The following SNX2 variants were observed in gnomAD, a reference collection of about 807,000 sequenced individuals.
The protein encoded by SNX2 is sorting nexin 2.
SNX2 carries 25 observed loss-of-function variants against 69.9 expected under a neutral mutation model. The ratio of observed to expected loss-of-function variants is 0.36; its 90% confidence interval spans 0.26 to 0.50. The LOEUF (loss-of-function observed/expected upper bound fraction) is 0.50, where lower values mean the gene tolerates loss of function less well. Among genes scored for constraint, SNX2 ranks in the 20% least tolerant of loss-of-function variants. The pLI, the probability that SNX2 is intolerant of heterozygous loss-of-function variation, is 0.97. For synonymous variants in SNX2, 229 were observed against 200.4 expected, an observed-to-expected ratio of 1.14 and a Z score of -1.20; for missense variants, 551 against 613.3, an observed-to-expected ratio of 0.90 and a Z score of 1.07.
At chr5:122,794,195 C>T (rs1753320484) in intron 1 of SNX2, among the ~76,000 whole-genome samples, 1 of 151,886 alleles carries the variant, frequency 6.6e-6, no homozygotes, top group African/African-American at 2.4e-5. Context: ...CCTGTAATCC[C>T]AGTTATTTGG....
chr5:122,828,007 A>C (rs1754194596), intron 14 of SNX2: 1 of 169,998 alleles, frequency 5.9e-6, no homozygotes, highest in South Asian at 2.0e-4. Context: ...AATAGAACTT[A>C]AGCTAAACAC....
intron 14 of SNX2, 118 bp from the exon 15 acceptor site, chr5:122,829,480 T>G (rs1754231442): frequency 1.4e-6 from 1 of 689,690 alleles, no homozygotes; most frequent in Non-Finnish European, 2.5e-6. Context: ...GCTGGAATTA[T>G]AGGTGTGAGC....
chr5:122,775,582 A>G (rs1752838461), intron 1 of SNX2: 2 of 996,268 alleles, frequency 2.0e-6, no homozygotes, highest in Non-Finnish European at 2.4e-6. Context: ...GCTCTTTTGA[A>G]GGGGTGCTCG....
At chr5:122,815,825 T>G (rs552180415) in intron 7 of SNX2, 71 bp from the exon 8 acceptor site, 13 of 793,594 alleles carry the variant, frequency 1.6e-5, no homozygotes, top group Admixed American at 2.6e-5. Flanking sequence ...GTATTTCTAT[T>G]TTTTTATCAT....
intron 1 of SNX2, among the ~76,000 whole-genome samples, chr5:122,791,212 C>T (rs932814823): frequency 6.6e-6 from 1 of 151,628 alleles, no homozygotes; most frequent in African/African-American, 2.4e-5. Context: ...CAACCTCTGC[C>T]TCCCAGGTTC....
rs958696858 is a variant in SNX2, at chr5:122,830,369, A to G, written c.*721A>G. Among the ~76,000 whole-genome samples, 1 of 152,168 alleles carries G rather than the reference A, an allele frequency of 6.6e-6. No homozygotes were observed. Among genetic ancestry groups the G allele is most frequent in the East Asian group, 1.9e-4 (1 of 5,190 alleles). ...TCTTTGCTTGTTTTTAACCATCTCT[A>G]TTACAAGTGCCCAATTTAAGAATTA... On this transcript the variant is annotated 3_prime_UTR_variant, in exon 15 of 15. Transcript: ENST00000379516.
chr5:122,803,493 AAG>A lies in SNX2; in HGVS notation c.526_527del (p.Ser176Ter). On this transcript the variant is annotated frameshift_variant, in exon 6 of 15. Transcript: ENST00000379516. LOFTEE classifies it high-confidence loss of function. ...GTAGACATCTCTTTCCATGTTCAGT[AAG>A]AGTGAATTTTCAGTGAAAAGAAGAT... Reference protein sequence around the residue: ...TTKTSLSMFSKSEFSVKRRFS... With the variant: ...TTKTSLSMFSXSEFSVKRRFS... The A allele has an allele frequency of 6.2e-7, 1 of 1,610,730 alleles. No individual in the cohort carries two copies. Among genetic ancestry groups the A allele is most frequent in the Non-Finnish European group, 8.5e-7 (1 of 1,179,190 alleles).
chr5:122,810,246 C>A (rs951218936), intron 7 of SNX2, among the ~76,000 whole-genome samples: 4 of 150,382 alleles, frequency 2.7e-5, no homozygotes, highest in Non-Finnish European at 5.9e-5. Context: ...TCTTAAGTAC[C>A]CAGGGACACA....
intron 8 of SNX2, among the ~76,000 whole-genome samples, chr5:122,816,293 GAAAGA>G (rs146423931): frequency 0.12 from 18,907 of 152,006 alleles, 1,451 homozygotes; most frequent in East Asian, 0.36. Flanking sequence ...TCATTTTAGA[GAAAGA>G]GAAAGTTGAA....
intron 1 of SNX2, among the ~76,000 whole-genome samples, chr5:122,791,983 C>G (rs1226078457): frequency 6.6e-6 from 1 of 152,092 alleles, no homozygotes; most frequent in Non-Finnish European, 1.5e-5. Flanking sequence ...GGCCAATCAC[C>G]CAATCAGACT....
At chr5:122,790,108 C>T (rs1753195157) in intron 1 of SNX2, among the ~76,000 whole-genome samples, 1 of 152,180 alleles carries the variant, frequency 6.6e-6, no homozygotes, top group African/African-American at 2.4e-5. Context: ...AGTCATCTGA[C>T]AGCTGAGGAG....
chr5:122,822,068 T>C (rs141351755), intron 11 of SNX2, among the ~76,000 whole-genome samples: 1 of 152,346 alleles, frequency 6.6e-6, no homozygotes, highest in Non-Finnish European at 1.5e-5. Flanking sequence ...AAGACATCTT[T>C]ACAAATGATA....
At chr5:122,826,989 G>A (rs1374040911) in intron 12 of SNX2, among the ~76,000 whole-genome samples, 1 of 151,850 alleles carries the variant, frequency 6.6e-6, no homozygotes, top group Non-Finnish European at 1.5e-5. Flanking sequence ...GGATTTAACA[G>A]TATTGATATA....
At chr5:122,799,915 A>T in intron 3 of SNX2, 60 bp downstream of exon 3, 4 of 1,296,452 alleles carry the variant, frequency 3.1e-6, no homozygotes, top group Non-Finnish European at 4.3e-6. Context: ...CCCACCCAAC[A>T]TCACTCTGCT....
chr5:122,791,454 G>A (rs2150003999), intron 1 of SNX2, among the ~76,000 whole-genome samples: 1 of 152,302 alleles, frequency 6.6e-6, no homozygotes, highest in South Asian at 2.1e-4. Context: ...GCTAATTTTT[G>A]TATTTTTAGT....
chr5:122,825,166 G>A (rs1338188228), intron 11 of SNX2, among the ~76,000 whole-genome samples: 20 of 151,918 alleles, frequency 1.3e-4, no homozygotes, highest in Non-Finnish European at 1.5e-5. Flanking sequence ...AAAATAACTC[G>A]GGTTTAGTGC....
rs556280893 is a variant in SNX2 at position 122,830,434 on chromosome 5, A to C, written c.*786A>C. On this transcript the variant is annotated 3_prime_UTR_variant, in exon 15 of 15. Transcript: ENST00000379516. ...TTATATACTTTTACAAGTCCCATGG[A>C]TTTTGTTCATCTTCTCGTTATCTTC... is the stretch of plus-strand genomic sequence containing the variant. 6.6e-6 allele frequency among the ~76,000 whole-genome samples: 1 copy of C among 152,282 alleles called. No homozygotes were observed. The highest frequency in any genetic ancestry group is 2.1e-4 in the South Asian group (1 of 4,830).
Position 122,817,316 on chromosome 5 carries a change from G to C in SNX2, c.949G>C (p.Asp317His), listed in dbSNP as rs777956116. ...AAAGCAGCAGCAATTTGAGAATCTG[G>C]ATCAGCAACTTAGGAAACTTCATGT... ...EEKQQQFENLDQQLRKLHVSV... is the reference protein window; with the variant it reads ...EEKQQQFENLHQQLRKLHVSV... The change falls in exon 10 of 15, where the codon GAT (aspartate) becomes CAT (histidine). Residue 317 changes from aspartate to histidine, a missense_variant. Around this residue, in one of 2 missense-constraint regions of SNX2, gnomAD observed 360 missense variants for 450.4 expected, o/e 0.80. Coordinates refer to ENST00000379516, the MANE Select transcript of SNX2 (RefSeq NM_003100.4). 1 of 1,613,932 alleles carries C rather than the reference G, an allele frequency of 6.2e-7. No individual in the cohort carries two copies. Among genetic ancestry groups the C allele is most frequent in the Non-Finnish European group, 8.5e-7 (1 of 1,179,936 alleles).
In SNX2 at chr5:122,823,930, G is replaced by A. The variant is rs527313046; in HGVS notation, c.1213-2120G>A. 4.4e-4 allele frequency among the ~76,000 whole-genome samples: 67 copies of A among 152,036 alleles called. 1 individual carries two copies. Among genetic ancestry groups the A allele is most frequent in the African/African-American group, 1.5e-3 (64 of 41,494 alleles). ...TTATTAAAATGTCATGGCCGGGCGCGGTGGCTCATGCCTGTAATCCCAGCA... is the reference window on the plus strand; with the variant it reads ...TTATTAAAATGTCATGGCCGGGCGCAGTGGCTCATGCCTGTAATCCCAGCA... On this transcript the variant is annotated intron_variant, in intron 11 of 14. Coordinates refer to ENST00000379516, the MANE Select transcript of SNX2 (RefSeq NM_003100.4).
Sources: allele counts gnomAD v4.1 joint callset (sites outside exome capture counted in the v4.1 genomes callset), GRCh38; gene constraint gnomAD v4.1.1; regional missense constraint gnomAD v4.1.1; transcripts MANE v1.5; gene names NCBI Gene and HGNC (gene_info 2026-07-23, HGNC 2026-07-21).